Variants in PDE4D observed in about 807,000 individuals in gnomAD.
PDE4D encodes phosphodiesterase 4D.
A neutral mutation model predicts 87.4 loss-of-function variants in PDE4D; 24 were observed. The ratio of observed to expected loss-of-function variants is 0.27; its 90% CI spans 0.20 to 0.39. The LOEUF (loss-of-function observed/expected upper bound fraction) is 0.39. PDE4D is among the 10% of genes least tolerant of loss of function. The pLI, the probability that PDE4D is intolerant of heterozygous loss-of-function variation, is 1.00. For synonymous variants in PDE4D, 384 were observed against 383.2 expected (o/e 1.00, Z -0.02); for missense variants, 714 against 1,041.0 (o/e 0.69, Z 4.32).
intron 1 of PDE4D, among the ~76,000 whole-genome samples, chr5:60,218,813 C>A (rs10079009): frequency 0.53 from 80,268 of 151,804 alleles, 21,948 homozygotes; most frequent in African/African-American, 0.65. Context: ...CACCAAAATG[C>A]ATTTACATGC....
intron 1 of PDE4D, among the ~76,000 whole-genome samples, chr5:60,220,764 T>G (rs1286106907): frequency 1.3e-5 from 2 of 152,160 alleles, no homozygotes; most frequent in Admixed American, 6.5e-5. Flanking sequence ...TTACAATGGT[T>G]AATAAACACA....
intron 1 of PDE4D, among the ~76,000 whole-genome samples, chr5:60,363,398 A>G (rs775094386): frequency 1.3e-5 from 2 of 152,166 alleles, no homozygotes; most frequent in Non-Finnish European, 2.9e-5. Flanking sequence ...TAATAAAATT[A>G]CATACCAATC....
intron 1 of PDE4D, among the ~76,000 whole-genome samples, chr5:60,185,943 A>C (rs1784745576): frequency 6.6e-6 from 1 of 151,828 alleles, no homozygotes; most frequent in African/African-American, 2.4e-5. Flanking sequence ...GCTGAAAAAA[A>C]AAAAAAACAG....
intron 1 of PDE4D, among the ~76,000 whole-genome samples, chr5:59,713,613 G>A (rs551766751): frequency 3.9e-5 from 6 of 152,256 alleles, no homozygotes; most frequent in African/African-American, 7.2e-5. Flanking sequence ...CAAGGTGGGC[G>A]AGCCTTTGGT....
intron 4 of PDE4D, among the ~76,000 whole-genome samples, chr5:59,180,891 TGTAA>T (rs1462724128): frequency 6.6e-6 from 1 of 152,178 alleles, no homozygotes; most frequent in Non-Finnish European, 1.5e-5. Flanking sequence ...ATAAAGCTGA[TGTAA>T]GTGTCACTGG....
chr5:60,368,354 T>C (rs1760729652), intron 1 of PDE4D, among the ~76,000 whole-genome samples: 1 of 152,124 alleles, frequency 6.6e-6, no homozygotes, highest in South Asian at 2.1e-4. Context: ...AGTAACATTC[T>C]GGCAGTCACG....
chr5:59,590,334 C>T (rs1825744354), intron 1 of PDE4D, among the ~76,000 whole-genome samples: 1 of 152,108 alleles, frequency 6.6e-6, no homozygotes, highest in Non-Finnish European at 1.5e-5. Context: ...TAGGGTAATG[C>T]TAATCTATTT....
intron 5 of PDE4D, among the ~76,000 whole-genome samples, chr5:59,171,824 T>G (rs1240868989): frequency 7.5e-6 from 1 of 133,672 alleles, no homozygotes; most frequent in Non-Finnish European, 1.5e-5. Flanking sequence ...TATAATTATT[T>G]AATATATATT....
At chr5:59,683,103 T>C (rs182204309) in intron 1 of PDE4D, among the ~76,000 whole-genome samples, 60 of 152,206 alleles carry the variant, frequency 3.9e-4, no homozygotes, top group Non-Finnish European at 6.9e-4. Context: ...GAACTGTACC[T>C]ATGTATGATA....
rs1249435740 is a variant in PDE4D, at chr5:59,668,818, AGAAGAAGAAGAAGAG to A, written c.455+224335_455+224349del. ...AGAAGAAGAAGAAAGAAGAAGAAGA[AGAAGAAGAAGAAGAG>A]GAAGAGGAAGAGGAAGAAGAAGAAG... is the stretch of plus-strand genomic sequence containing the variant. On this transcript the variant is annotated intron_variant, in intron 1 of 14. Coordinates refer to ENST00000340635, the MANE Select transcript of PDE4D (RefSeq NM_001104631.2). Among the ~76,000 whole-genome samples, 851 of 93,620 alleles carry A rather than the reference AGAAGAAGAAGAAGAG, an allele frequency of 9.1e-3. 44 individuals carry two copies. Among genetic ancestry groups the A allele is most frequent in the African/African-American group, 0.043 (821 of 19,266 alleles). 61.4% of individuals were successfully genotyped at this position (93,620 alleles called of 152,430 possible). A position where few individuals can be genotyped will look rare whatever the true frequency, so the allele number is the denominator to read the frequency against.
chr5:59,828,790 T>C (rs1382433889), intron 1 of PDE4D, among the ~76,000 whole-genome samples: 1 of 152,106 alleles, frequency 6.6e-6, no homozygotes, highest in Non-Finnish European at 1.5e-5. Context: ...CTGCATCTCA[T>C]GAGCCCTAGT....
chr5:60,506,479 G>A (rs754896831), intron 1 of PDE4D, among the ~76,000 whole-genome samples: 1 of 152,056 alleles, frequency 6.6e-6, no homozygotes, highest in Non-Finnish European at 1.5e-5. Context: ...TAAAAACCAG[G>A]ATAAAGAAAC....
intron 1 of PDE4D, among the ~76,000 whole-genome samples, chr5:60,313,670 G>A (rs1040635181): frequency 1.3e-5 from 2 of 152,134 alleles, no homozygotes; most frequent in African/African-American, 4.8e-5. Context: ...ATGAGCATAG[G>A]TGGAAAAATC....
chr5:60,083,251 G>C (rs1353116513), intron 2 of PDE4D, among the ~76,000 whole-genome samples: 1 of 152,122 alleles, frequency 6.6e-6, no homozygotes, highest in Non-Finnish European at 1.5e-5. Flanking sequence ...TCCACCTCAA[G>C]TAACTTTAGA....
At chr5:59,323,741 G>A (rs987303427) in intron 1 of PDE4D, among the ~76,000 whole-genome samples, 13 of 151,814 alleles carry the variant, frequency 8.6e-5, no homozygotes, top group African/African-American at 2.7e-4. Context: ...CCTACTTTTG[G>A]TCTTGAAGAT....
chr5:59,068,639 G>T (rs565870075), intron 5 of PDE4D, among the ~76,000 whole-genome samples: 1 of 152,290 alleles, frequency 6.6e-6, no homozygotes, highest in East Asian at 1.9e-4. Context: ...AGGAATGAAG[G>T]CAGTCCACTG....
chr5:60,051,713 C>T (rs1452172191), intron 2 of PDE4D, among the ~76,000 whole-genome samples: 1 of 151,594 alleles, frequency 6.6e-6, no homozygotes, highest in Non-Finnish European at 1.5e-5. Context: ...GAGATACAGA[C>T]ATGAAAAACC....
chr5:60,081,776 C>G (rs1311634624), intron 2 of PDE4D, among the ~76,000 whole-genome samples: 2 of 151,756 alleles, frequency 1.3e-5, no homozygotes, highest in Non-Finnish European at 3.0e-5. Flanking sequence ...GGTCCTCAAT[C>G]TCTTCTGGCT....
chr5:59,145,876 C>T (rs1778565840), intron 5 of PDE4D, among the ~76,000 whole-genome samples: 1 of 152,296 alleles, frequency 6.6e-6, no homozygotes. Flanking sequence ...CCTGTAATCC[C>T]AGCACTTTGT....
Sources: allele counts gnomAD v4.1 joint callset (sites outside exome capture counted in the v4.1 genomes callset), GRCh38; gene constraint gnomAD v4.1.1; transcripts MANE v1.5; gene names NCBI Gene and HGNC (gene_info 2026-07-23, HGNC 2026-07-21).